MICAL2: variants seen among roughly 807,000 people sequenced by gnomAD.
MICAL2 encodes microtubule associated monooxygenase, calponin and LIM domain containing 2, also known as [F-actin]-monooxygenase MICAL2.
In MICAL2, 77 loss-of-function variants were observed where a neutral mutation model predicts 127.3. The ratio of observed to expected loss-of-function variants is 0.60; its 90% CI spans 0.50 to 0.73. The LOEUF (loss-of-function observed/expected upper bound fraction) is 0.73. Ranked by LOEUF, MICAL2 falls within the 30% of genes least tolerant of loss-of-function variation. MICAL2 has a pLI of 0.00. For missense variants in MICAL2, 1,351 were observed against 1,434.4 expected (o/e 0.94, Z 0.94); for synonymous variants, 570 against 551.1 (o/e 1.03, Z -0.48).
chr11:12,152,393 G>C (rs1853696763), intron 2 of MICAL2, among the ~76,000 whole-genome samples: 1 of 149,956 alleles, frequency 6.7e-6, no homozygotes, highest in Admixed American at 6.6e-5. Flanking sequence ...AGTAGTGCTT[G>C]TGTGCCTGTG....
intron 3 of MICAL2, chr11:12,197,579 AG>A (rs1340491018): frequency 2.0e-5 from 3 of 152,230 alleles, no homozygotes; most frequent in Non-Finnish European, 4.4e-5. Flanking sequence ...TGCTGCTGGC[AG>A]GGGTACAGGG....
intron 16 of MICAL2, among the ~76,000 whole-genome samples, chr11:12,237,611 G>A (rs1447549437): frequency 6.6e-6 from 1 of 151,748 alleles, no homozygotes; most frequent in African/African-American, 2.4e-5. Context: ...AGTTGGAGTG[G>A]GAAGAAATCT....
At chr11:12,344,759 C>T (rs1938926705) in intron 32 of MICAL2, among the ~76,000 whole-genome samples, 2 of 150,194 alleles carry the variant, frequency 1.3e-5, no homozygotes, top group South Asian at 2.1e-4. Flanking sequence ...CCTCGGCCTC[C>T]CAAAGTGCTG....
chr11:12,262,309 A>G (rs1311422756), intron 26 of MICAL2, 171 bp from the exon 27 acceptor site: 2 of 1,455,386 alleles, frequency 1.4e-6, no homozygotes, highest in Non-Finnish European at 1.8e-6. Flanking sequence ...AGAAAGGTTC[A>G]TCTCTCCTAA....
At chr11:12,271,715 G>A (rs1006148559), upstream of MICAL2, among the ~76,000 whole-genome samples, 11 of 152,222 alleles carry the variant, frequency 7.2e-5, no homozygotes, top group African/African-American at 1.7e-4. Context: ...GCACACAGAT[G>A]GAGCTGTCTG....
chr11:12,135,870 G>A (rs1590028428), intron 1 of MICAL2, among the ~76,000 whole-genome samples: 1 of 152,200 alleles, frequency 6.6e-6, no homozygotes. Flanking sequence ...CGGCTGTGAG[G>A]TTTGAGCTGG....
At chr11:12,134,196 G>A (rs891469255) in intron 1 of MICAL2, among the ~76,000 whole-genome samples, 3 of 152,192 alleles carry the variant, frequency 2.0e-5, no homozygotes, top group Admixed American at 2.0e-4. Flanking sequence ...ACCAGTGCAT[G>A]GCACATTTAA....
intron 18 of MICAL2, 161 bp from the exon 19 acceptor site, chr11:12,242,053 T>G: frequency 1.7e-6 from 1 of 579,620 alleles, no homozygotes. Context: ...ACAATTTTGA[T>G]GCAGGTGGTG....
chr11:12,169,090 C>A (rs1046246997), intron 3 of MICAL2, among the ~76,000 whole-genome samples: 1 of 151,938 alleles, frequency 6.6e-6, no homozygotes, highest in Non-Finnish European at 1.5e-5. Context: ...TTTCTCCACT[C>A]CCCCAGTTTT....
downstream of MICAL2, among the ~76,000 whole-genome samples, chr11:12,360,430 AG>A (rs1219990986): frequency 6.6e-6 from 1 of 152,148 alleles, no homozygotes; most frequent in African/African-American, 2.4e-5. Flanking sequence ...AGGCATTTAG[AG>A]GTAAGATTAT....
rs77913089 is a variant in MICAL2, at chr11:12,237,664, T to C, written c.2064+1419T>C. ...TCTGAGACAGCCCTGGACAGTCTCC[T>C]GGGGCAACGGTTTTGCTTTAAGTCA... is the stretch of plus-strand genomic sequence containing the variant. On this transcript the variant is annotated intron_variant, in intron 16 of 27. Transcript: ENST00000683283. Among the ~76,000 whole-genome samples, 337 of 152,308 alleles carry C rather than the reference T, an allele frequency of 2.2e-3. 10 individuals are homozygous for C. In the East Asian group the frequency reaches 0.052, roughly 23 times the overall value.
In MICAL2 at chr11:12,239,434, A is replaced by G. The variant is rs1261591640; in HGVS notation, c.2065-2A>G. The G allele has an allele frequency of 6.2e-7, 1 of 1,614,030 alleles. No homozygotes were observed. The highest frequency in any genetic ancestry group is 2.2e-5 in the East Asian group (1 of 44,888). On this transcript the variant is annotated splice_acceptor_variant, in intron 16 of 27. Coordinates refer to ENST00000683283, the MANE Select transcript of MICAL2 (RefSeq NM_001282663.2). LOFTEE classifies it high-confidence loss of function. ...ATCAGTGTCCCGTTTCAACCTTTGC[A>G]GCCTTCAAACTTTTCCAGCCGTAGC...
chr11:12,287,843 T>G (rs771988777), downstream of MICAL2, among the ~76,000 whole-genome samples: 62 of 152,274 alleles, frequency 4.1e-4, no homozygotes, highest in Middle Eastern at 3.4e-3. Context: ...CCTCAGGCCC[T>G]GAGCGAGGGG....
exon 2 of MICAL2, chr11:12,281,095 G>T (rs894289254): frequency 7.3e-5 from 29 of 398,828 alleles, no homozygotes; most frequent in Non-Finnish European, 1.3e-5. Flanking sequence ...CCAGAGCTGT[G>T]CACGGTAAGC....
At chr11:12,194,268 C>T (rs1028837102) in intron 3 of MICAL2, among the ~76,000 whole-genome samples, 5 of 152,210 alleles carry the variant, frequency 3.3e-5, no homozygotes, top group East Asian at 3.8e-4. Flanking sequence ...AACCAGATAC[C>T]GGGATTTGAA....
At chr11:12,178,529 A>G (rs985119355) in intron 3 of MICAL2, among the ~76,000 whole-genome samples, 2 of 152,044 alleles carry the variant, frequency 1.3e-5, no homozygotes, top group African/African-American at 2.4e-5. Context: ...CTGATTGGCA[A>G]TTGGTTGAAA....
At chr11:12,204,932 C>T (rs61875237) in intron 4 of MICAL2, among the ~76,000 whole-genome samples, 7 of 152,204 alleles carry the variant, frequency 4.6e-5, no homozygotes, top group Admixed American at 2.6e-4. Context: ...TAGTCAAGAC[C>T]TTCCATACAA....
chr11:12,199,991 C>T (rs938844589), intron 3 of MICAL2, among the ~76,000 whole-genome samples: 1 of 152,156 alleles, frequency 6.6e-6, no homozygotes, highest in Non-Finnish European at 1.5e-5. Flanking sequence ...AAATGTGAAC[C>T]CCCAACTGGT....
At chr11:12,244,225 T>G in intron 21 of MICAL2, 113 bp downstream of exon 21, 1 of 1,446,202 alleles carries the variant, frequency 6.9e-7, no homozygotes, top group Non-Finnish European at 9.6e-7. Flanking sequence ...AATAAAAATT[T>G]GTAAGATATT....
Sources: gnomAD v4.1 joint callset for allele counts (sites outside exome capture counted in the v4.1 genomes callset) on GRCh38, gnomAD v4.1.1 for gene constraint, MANE v1.5 for transcripts, NCBI Gene and HGNC (gene_info 2026-07-23, HGNC 2026-07-21) for gene names.